RPH3A: variants seen among roughly 807,000 people sequenced by gnomAD.
The protein encoded by RPH3A is rabphilin 3A.
Under a neutral mutation model 102.2 loss-of-function variants are expected in RPH3A, and 48 were observed. That is an observed-to-expected ratio of 0.47 (90% CI 0.37 to 0.60). The LOEUF (loss-of-function observed/expected upper bound fraction) is 0.60. Ranked by LOEUF, RPH3A falls within the 20% of genes least tolerant of loss-of-function variation. The pLI, the probability that RPH3A is intolerant of heterozygous loss-of-function variation, is 0.00. For synonymous variants in RPH3A, 310 were observed against 324.3 expected, an observed-to-expected ratio of 0.96 and a Z score of 0.47; for missense variants, 781 against 910.1, an observed-to-expected ratio of 0.86 and a Z score of 1.83.
chr12:112,796,821 G>T (rs930689561), intron 2 of RPH3A, among the ~76,000 whole-genome samples: 1 of 152,156 alleles, frequency 6.6e-6, no homozygotes, highest in African/African-American at 2.4e-5. Flanking sequence ...AGGCCAAGGT[G>T]GGTGGATTAC....
intron 1 of RPH3A, among the ~76,000 whole-genome samples, chr12:112,713,033 T>TCTTCTTCTTCTC (rs2040486338): frequency 1.2e-5 from 1 of 81,596 alleles, no homozygotes; most frequent in Non-Finnish European, 2.2e-5. Context: ...CTCTTCTTCT[T>TCTTCTTCTTCTC]CTTCTTCTTC....
chr12:112,759,397 G>A (rs941869136), intron 1 of RPH3A, among the ~76,000 whole-genome samples: 1 of 152,110 alleles, frequency 6.6e-6, no homozygotes, highest in East Asian at 1.9e-4. Flanking sequence ...AGGAGCCTTC[G>A]TTTCCTGGTT....
intron 14 of RPH3A, among the ~76,000 whole-genome samples, chr12:112,880,248 G>C (rs757399): frequency 4.6e-4 from 70 of 151,962 alleles, no homozygotes; most frequent in South Asian, 1.7e-3. Flanking sequence ...TGGGCACCTA[G>C]AATATATCAT....
chr12:112,577,892 A>G (rs1195344997), intron 1 of RPH3A, among the ~76,000 whole-genome samples: 1 of 152,072 alleles, frequency 6.6e-6, no homozygotes, highest in Non-Finnish European at 1.5e-5. Context: ...TCATTCTTGT[A>G]TTCCCACATG....
rs923536832 is a variant in RPH3A, at chr12:112,663,216, G to A, written c.-140+87897G>A. Among the ~76,000 whole-genome samples the A allele has an allele frequency of 8.2e-4, 124 of 152,028 alleles. 2 individuals carry two copies. Among genetic ancestry groups the A allele is most frequent in the Admixed American group, 5.9e-4 (9 of 15,264 alleles). On this transcript the variant is annotated intron_variant, in intron 1 of 21. Coordinates refer to the RPH3A transcript ENST00000543106. The stretch of plus-strand genomic sequence containing the variant: ...AATAATGTGAGCCCATAAATTCTTT[G>A]TTTTAGTGGTGGGGACAGGATCTCA...
At chr12:112,628,970 C>T (rs866529686) in intron 1 of RPH3A, among the ~76,000 whole-genome samples, 1 of 152,070 alleles carries the variant, frequency 6.6e-6, no homozygotes, top group Non-Finnish European at 1.5e-5. Context: ...TCGTGTGTAT[C>T]TTTGCTTGAC....
chr12:112,708,073 T>G (rs551165283), intron 1 of RPH3A, among the ~76,000 whole-genome samples: 1 of 152,338 alleles, frequency 6.6e-6, no homozygotes, highest in East Asian at 1.9e-4. Flanking sequence ...TGGTGGAATC[T>G]TCAGACTAGT....
At chr12:112,757,380 C>T (rs1004099274) in intron 1 of RPH3A, among the ~76,000 whole-genome samples, 1 of 152,138 alleles carries the variant, frequency 6.6e-6, no homozygotes, top group African/African-American at 2.4e-5. Flanking sequence ...CTGTCATAGA[C>T]CTCAGTAGGA....
intron 1 of RPH3A, among the ~76,000 whole-genome samples, chr12:112,586,146 C>A (rs1487441085): frequency 6.6e-6 from 1 of 152,180 alleles, no homozygotes; most frequent in Non-Finnish European, 1.5e-5. Flanking sequence ...GTGAGGAGCT[C>A]AGAGTTCTCC....
chr12:112,774,439 A>C (rs1163243273), intron 1 of RPH3A, among the ~76,000 whole-genome samples: 1 of 152,186 alleles, frequency 6.6e-6, no homozygotes, highest in Non-Finnish European at 1.5e-5. Context: ...CACTAGATTG[A>C]GAGTCTGGAG....
chr12:112,852,116 G>T (rs1311106289), intron 5 of RPH3A, among the ~76,000 whole-genome samples: 1 of 152,158 alleles, frequency 6.6e-6, no homozygotes, highest in Non-Finnish European at 1.5e-5. Flanking sequence ...TGGGCTGGAA[G>T]GTGCAAGAAA....
intron 16 of RPH3A, 139 bp from the exon 17 acceptor site, chr12:112,887,658 A>C: frequency 1.1e-6 from 1 of 938,222 alleles, no homozygotes; most frequent in East Asian, 2.6e-5. Context: ...TACTTGGTCC[A>C]GTGATAAATA....
At chr12:112,762,931 G>T (rs1250804273) in intron 1 of RPH3A, among the ~76,000 whole-genome samples, 1 of 152,162 alleles carries the variant, frequency 6.6e-6, no homozygotes, top group Non-Finnish European at 1.5e-5. Flanking sequence ...GACAGATTTG[G>T]GTCATGTGAC....
intron 1 of RPH3A, among the ~76,000 whole-genome samples, chr12:112,583,234 G>T (rs1318678048): frequency 5.3e-5 from 8 of 152,182 alleles, no homozygotes; most frequent in Non-Finnish European, 1.2e-4. Flanking sequence ...AACAGCTACT[G>T]TTTTAAGAGT....
intron 1 of RPH3A, among the ~76,000 whole-genome samples, chr12:112,649,033 G>A (rs1660490335): frequency 6.6e-6 from 1 of 152,162 alleles, no homozygotes; most frequent in African/African-American, 2.4e-5. Context: ...TGACCAGATT[G>A]GTCTCAAACT....
intron 1 of RPH3A, among the ~76,000 whole-genome samples, chr12:112,584,815 G>T (rs1250585964): frequency 6.6e-6 from 1 of 152,204 alleles, no homozygotes; most frequent in African/African-American, 2.4e-5. Context: ...CAGAGGGACG[G>T]TGTATTAGGG....
At chr12:112,875,638 C>A (rs771101729) in intron 11 of RPH3A, 41 bp from the exon 12 acceptor site, 1 of 1,542,780 alleles carries the variant, frequency 6.5e-7, no homozygotes, top group Non-Finnish European at 9.0e-7. Flanking sequence ...ATGATGCCAC[C>A]CTCTCTGCTG....
intron 1 of RPH3A, among the ~76,000 whole-genome samples, chr12:112,658,031 T>C (rs2040024719): frequency 6.6e-6 from 1 of 151,974 alleles, no homozygotes; most frequent in African/African-American, 2.4e-5. Context: ...TGGGAGGAGA[T>C]GAGGTTGGTG....
intron 5 of RPH3A, among the ~76,000 whole-genome samples, chr12:112,861,782 G>A (rs2136213254): frequency 6.6e-6 from 1 of 152,310 alleles, no homozygotes; most frequent in Admixed American, 6.5e-5. Context: ...GGGAGGCCAA[G>A]TTGGGCAGAT....
Sources: gnomAD v4.1 joint callset for allele counts (sites outside exome capture counted in the v4.1 genomes callset) on GRCh38, gnomAD v4.1.1 for gene constraint, MANE v1.5 for transcripts, NCBI Gene and HGNC (gene_info 2026-07-23, HGNC 2026-07-21) for gene names.